The following ATM variants were observed in gnomAD, a reference collection of about 807,000 sequenced individuals.
ATM encodes the protein ATM serine/threonine kinase, also known as serine-protein kinase ATM.
A neutral mutation model predicts 387.0 loss-of-function variants in ATM; 308 were observed. That is an observed-to-expected ratio of 0.80 (90% CI 0.73 to 0.87). The LOEUF (loss-of-function observed/expected upper bound fraction) is 0.87. Ranked by LOEUF, ATM falls within the 40% of genes least tolerant of loss-of-function variation. The probability of loss-of-function intolerance (pLI) is 0.00; values close to 1 mark genes in which losing one functional copy is unlikely to be tolerated. For missense variants in ATM, 3,312 were observed against 3,560.9 expected, an observed-to-expected ratio of 0.93 and a Z score of 1.78; for synonymous variants, 1,156 against 1,187.3, an observed-to-expected ratio of 0.97 and a Z score of 0.54.
intron 49 of ATM, 150 bp downstream of exon 49, chr11:108,329,388 G>C: frequency 1.3e-6 from 1 of 763,432 alleles, no homozygotes; most frequent in South Asian, 1.9e-5. Context: ...TTGGTCTTTT[G>C]GGTTCTTTTC....
intron 39 of ATM, among the ~76,000 whole-genome samples, chr11:108,310,976 T>A (rs2084106765): frequency 6.6e-6 from 1 of 152,140 alleles, no homozygotes. Flanking sequence ...AAATGTTTGT[T>A]CGTTTGAAAT....
chr11:108,330,240 T>A lies in ATM; in HGVS notation c.7334T>A (p.Leu2445Gln), dbSNP rs1555122992. Residue 2445 changes from leucine (L) to glutamine (Q), a missense_variant, in exon 50 of 63, where the codon CTG (leucine) becomes CAG (glutamine). By Grantham distance (113) the Leu-to-Gln change is moderately radical (BLOSUM62 -2). Coordinates refer to ENST00000675843, the MANE Select transcript of ATM (RefSeq NM_000051.4). The part of the protein sequence containing the change: ...NRYTVKVQRE[L>Q]ELDELALRAL... ...TACACAGTAAAGGTTCAGCGAGAGC[T>A]GGAGTTGGATGAATTAGCCCTGCGT... 1 of 1,614,174 alleles carries A rather than the reference T, an allele frequency of 6.2e-7. No homozygotes were observed. Among genetic ancestry groups the A allele is most frequent in the Non-Finnish European group, 8.5e-7 (1 of 1,180,004 alleles).
At chr11:108,345,966 T>A (rs1169006069) in intron 58 of ATM, 58 bp downstream of exon 58, 3 of 1,601,998 alleles carry the variant, frequency 1.9e-6, no homozygotes, top group South Asian at 2.2e-5. Context: ...GGTTTTATTT[T>A]TGTTTGATTC....
intron 34 of ATM, among the ~76,000 whole-genome samples, chr11:108,300,179 A>G (rs1247029883): frequency 6.6e-6 from 1 of 152,198 alleles, no homozygotes; most frequent in Admixed American, 6.5e-5. Context: ...GAAAATTAAG[A>G]TAGGGGAATA....
At chr11:108,333,303 G>A (rs1436735247) in intron 53 of ATM, among the ~76,000 whole-genome samples, 1 of 152,082 alleles carries the variant, frequency 6.6e-6, no homozygotes, top group Non-Finnish European at 1.5e-5. Flanking sequence ...TTCCATAGGT[G>A]CTAAAATGCC....
chr11:108,264,832 C>T (rs1230181715), intron 16 of ATM, among the ~76,000 whole-genome samples: 2 of 84,632 alleles, frequency 2.4e-5, no homozygotes, highest in African/African-American at 4.8e-5. Flanking sequence ...TTCTTATACA[C>T]CAACAACAGA....
At position 108,235,652 on chromosome 11, in the gene ATM, T is replaced by A; in HGVS notation, c.332-18T>A. ...TGTTCAAATTTATGTTTTTCTTTAT[T>A]TGTTTATTTTGAAATAGGAGCACCT... On this transcript the variant is annotated intron_variant, in intron 4 of 62. Coordinates refer to ENST00000675843, the MANE Select transcript of ATM (RefSeq NM_000051.4). The A allele has an allele frequency of 6.3e-7, 1 of 1,579,936 alleles. No homozygotes were observed. The highest frequency in any genetic ancestry group is 8.7e-7 in the Non-Finnish European group (1 of 1,151,672).
At chr11:108,300,001 G>A in intron 34 of ATM, 116 bp downstream of exon 34, 1 of 1,006,072 alleles carries the variant, frequency 9.9e-7, no homozygotes. Flanking sequence ...AAATCTCAGT[G>A]TCTTTATGAA....
At position 108,279,519 on chromosome 11, in the gene ATM, T is replaced by TC. The variant is rs1057516301; in HGVS notation, c.3315dup (p.Arg1106GlnfsTer16). The TC allele has an allele frequency of 6.2e-7, 1 of 1,613,098 alleles. No individual in the cohort carries two copies. ...GTTCCAGGACACGAAGGGAGATTCT[T>TC]CCAGGTTACTGAAAGCACTTCCTTT... On this transcript the variant is annotated frameshift_variant, in exon 23 of 63. Transcript: ENST00000675843. LOFTEE classifies it high-confidence loss of function.
At position 108,252,915 on chromosome 11, in the gene ATM, A is replaced by G. The variant is rs200169643; in HGVS notation, c.1898+3A>G. The G allele has an allele frequency of 1.3e-5, 20 of 1,596,304 alleles. No individual in the cohort carries two copies. In the East Asian group the frequency reaches 1.8e-4, roughly 14 times the overall value. On this transcript the variant is annotated splice_donor_region_variant and intron_variant, in intron 12 of 62. Transcript: ENST00000675843. The stretch of plus-strand genomic sequence containing the variant: ...TTTTTCCAAAGCGTGCCAGAATGGT[A>G]TGTTATCTAATAATGCTCTTTATCA...
Position 108,325,660 on chromosome 11 carries a change from A to G in ATM, c.6807+116A>G, listed in dbSNP as rs2085604350. 27 of 895,724 alleles carry G rather than the reference A, an allele frequency of 3.0e-5. 1 individual carries two copies. The South Asian group carries it at 4.0e-4, about 13-fold the overall frequency. The allele number at this position is 895,724 out of a possible 1,614,324, so 55.5% of individuals were successfully genotyped here. A position where few individuals can be genotyped will look rare whatever the true frequency, so the allele number is the denominator to read the frequency against. ...TTAAGAGATAGAGATCTCTATTAAT[A>G]TATAGTAAAAATAATTGTTTAAGAG... On this transcript the variant is annotated intron_variant, in intron 46 of 62. Coordinates refer to ENST00000675843, the MANE Select transcript of ATM (RefSeq NM_000051.4).
At position 108,259,980 on chromosome 11, in the gene ATM, A is replaced by G. The variant is rs1017781654; in HGVS notation, c.2466+905A>G. Reference sequence around the variant, plus strand: ...TTTATTTAGCAGTGCATGGTATTCTATTGTGTGGTGATAGTGAATAGTATA... The same window carrying G: ...TTTATTTAGCAGTGCATGGTATTCTGTTGTGTGGTGATAGTGAATAGTATA... On this transcript the variant is annotated intron_variant, in intron 16 of 62. Coordinates refer to ENST00000675843, the MANE Select transcript of ATM (RefSeq NM_000051.4). 9.4e-5 allele frequency among the ~76,000 whole-genome samples: 13 copies of G among 138,924 alleles called. No individual in the cohort carries two copies. The South Asian group carries it at 1.8e-3, about 19-fold the overall frequency. 91.1% of individuals were successfully genotyped at this position (138,924 alleles called of 152,430 possible). A position where few individuals can be genotyped will look rare whatever the true frequency, so the allele number is the denominator to read the frequency against.
rs757829783 is a variant in ATM, at chr11:108,332,878, C to T, written c.7905C>T (p.Ala2635=). The stretch of plus-strand genomic sequence containing the variant: ...ATATTATATTAGCAAACTTAGATGC[C>T]ACTCAGTGGAAGACTCAGAGAAGTA... ...DAYIILANLD[A]TQWKTQRKGI... The change falls in exon 53 of 63, where the codon GCC becomes GCT. Residue 2635 remains alanine, a synonymous_variant. Transcript: ENST00000675843. The T allele has an allele frequency of 6.2e-6, 10 of 1,612,754 alleles. 1 individual carries two copies. The African/African-American group carries it at 1.3e-4, about 22-fold the overall frequency.
At chr11:108,355,293 G>T in intron 61 of ATM, 1 of 230,830 alleles carries the variant, frequency 4.3e-6, no homozygotes, top group Non-Finnish European at 8.6e-6. Flanking sequence ...CATTACTAGA[G>T]GAACATGGCT....
intron 59 of ATM, among the ~76,000 whole-genome samples, chr11:108,347,823 C>G (rs967232113): frequency 6.6e-6 from 1 of 151,928 alleles, no homozygotes; most frequent in African/African-American, 2.4e-5. Flanking sequence ...TTGCATTAAA[C>G]TATAGGAAAT....
intron 1 of ATM, chr11:108,227,030 C>T (rs186556743): frequency 0.025 from 3,791 of 152,276 alleles, 73 homozygotes; most frequent in Non-Finnish European, 0.031. Context: ...CCCCATCTCC[C>T]GCCCCGCAGA....
intron 39 of ATM, among the ~76,000 whole-genome samples, chr11:108,312,109 A>T (rs987536593): frequency 6.6e-6 from 1 of 152,194 alleles, no homozygotes. Flanking sequence ...CCACTGACAG[A>T]GTATATAGTA....
intron 37 of ATM, 22 bp downstream of exon 37, chr11:108,304,874 A>G (rs747431108): frequency 1.2e-6 from 2 of 1,609,786 alleles, no homozygotes; most frequent in South Asian, 1.1e-5. Flanking sequence ...AATTTTTAAC[A>G]TTAATACTGT....
chr11:108,240,680 T>C (rs1018288202), intron 5 of ATM, among the ~76,000 whole-genome samples: 1 of 122,714 alleles, frequency 8.1e-6, no homozygotes, highest in Admixed American at 9.0e-5. Context: ...GGATAAAACA[T>C]GGTACACCTG....
Sources: gnomAD v4.1 joint callset for allele counts (sites outside exome capture counted in the v4.1 genomes callset) on GRCh38, gnomAD v4.1.1 for gene constraint, MANE v1.5 for transcripts, NCBI Gene and HGNC (gene_info 2026-07-23, HGNC 2026-07-21) for gene names.